DMD: variants seen among roughly 807,000 people sequenced by gnomAD.
DMD encodes dystrophin.
Under a neutral mutation model 330.1 loss-of-function variants are expected in DMD, and 63 were observed. That is an observed-to-expected ratio of 0.19 (90% CI 0.16 to 0.24). DMD has a LOEUF of 0.24. DMD is among the 10% of genes least tolerant of loss of function. DMD has a pLI of 1.00. For missense variants in DMD, 3,344 were observed against 2,684.1 expected (o/e 1.25, Z -5.43); for synonymous variants, 1,223 against 959.8 (o/e 1.27, Z -5.07).
chrX:32,948,783 A>G lies in DMD; in HGVS notation c.93+71356T>C, dbSNP rs188594850. Among the ~76,000 whole-genome samples the G allele has an allele frequency of 1.7e-3, 196 of 112,044 alleles. 1 individual carries two copies. The highest frequency in any genetic ancestry group is 5.5e-3 in the African/African-American group (170 of 30,896). ...TTATCTCTTACTTTGCTATTTTTCC[A>G]AAAATGTATTTGAAACACTGTTAAG... On this transcript the variant is annotated intron_variant, in intron 2 of 78. Coordinates refer to ENST00000357033, the MANE Select transcript of DMD (RefSeq NM_004006.3).
At chrX:32,633,930 A>T (rs188573191) in intron 11 of DMD, among the ~76,000 whole-genome samples, 147 of 111,731 alleles carry the variant, frequency 1.3e-3, no homozygotes, top group Non-Finnish European at 2.4e-3. Context: ...AGCTCCCACT[A>T]GGCCCTACCT....
At chrX:32,965,178 G>A (rs1263379480) in intron 2 of DMD, among the ~76,000 whole-genome samples, 1 of 111,507 alleles carries the variant, frequency 9.0e-6, no homozygotes, top group Non-Finnish European at 1.9e-5. Context: ...AATATAAAAT[G>A]TATTTGATGA....
chrX:32,569,311 C>T (rs891326734), intron 15 of DMD, among the ~76,000 whole-genome samples: 1 of 112,045 alleles, frequency 8.9e-6, no homozygotes, highest in African/African-American at 3.2e-5. Flanking sequence ...ACAATTTCTC[C>T]TATATTGGCA....
chrX:32,144,830 C>T (rs1221419525), intron 44 of DMD, among the ~76,000 whole-genome samples: 3 of 110,938 alleles, frequency 2.7e-5, no homozygotes, highest in Non-Finnish European at 5.7e-5. Flanking sequence ...GTCAGGAGTT[C>T]GAGACCAGCC....
Position 32,252,877 on chromosome X carries a change from A to AATATATAT in DMD, c.6290+34651_6290+34652insATATATAT, listed in dbSNP as rs1569553765. ...ATATATATAAATATATAAATATATA[A>AATATATAT]AAATATATATAAATATATATAAATA... On this transcript the variant is annotated intron_variant, in intron 43 of 78. Transcript: ENST00000357033. Among the ~76,000 whole-genome samples, 126 of 58,806 alleles carry AATATATAT rather than the reference A, an allele frequency of 2.1e-3. 7 individuals carry two copies. The highest frequency in any genetic ancestry group is 8.9e-3 in the African/African-American group (120 of 13,428). The allele number at this position is 58,806 out of a possible 115,157, so 51.1% of individuals were successfully genotyped here.
chrX:31,704,875 C>A (rs1278289164), intron 52 of DMD, among the ~76,000 whole-genome samples: 1 of 111,704 alleles, frequency 9.0e-6, no homozygotes, highest in African/African-American at 3.3e-5. Flanking sequence ...TATACAAAAT[C>A]AAAGCTAAAA....
chrX:33,269,515 T>C (rs2053115099), intron 1 of DMD, among the ~76,000 whole-genome samples: 1 of 110,650 alleles, frequency 9.0e-6, no homozygotes, highest in East Asian at 2.8e-4. Context: ...CAATATACCG[T>C]TTTAACAAAT....
chrX:32,764,865 T>A (rs2072770368), intron 7 of DMD, among the ~76,000 whole-genome samples: 1 of 111,122 alleles, frequency 9.0e-6, no homozygotes, highest in Non-Finnish European at 1.9e-5. Flanking sequence ...CCAACATATT[T>A]GTTTCCACAG....
chrX:32,283,955 T>C (rs934789983), intron 43 of DMD, among the ~76,000 whole-genome samples: 3 of 111,396 alleles, frequency 2.7e-5, no homozygotes, highest in Non-Finnish European at 5.7e-5. Context: ...ATAATTTAGA[T>C]ACTTTTTTTT....
chrX:32,908,480 G>T (rs1009511350), intron 2 of DMD, among the ~76,000 whole-genome samples: 1 of 112,067 alleles, frequency 8.9e-6, no homozygotes, highest in African/African-American at 3.2e-5. Context: ...AAACGGAAGT[G>T]CTAAAAGTCT....
rs1431731661 is a variant in DMD, at chrX:31,749,509, T to G, written c.7543-19761A>C. On this transcript the variant is annotated intron_variant, in intron 51 of 78. Transcript: ENST00000357033. ...TATGGCTGCATAGTATTCCATGGTG[T>G]ATATGTGCCACATTTTCTTAATCCA... Among the ~76,000 whole-genome samples, 124 of 107,499 alleles carry G rather than the reference T, an allele frequency of 1.2e-3. 1 individual carries two copies. The highest frequency in any genetic ancestry group is 9.8e-3 in the East Asian group (33 of 3,357). The allele number at this position is 107,499 out of a possible 115,157, so 93.3% of individuals were successfully genotyped here.
At chrX:31,949,633 C>A (rs1032259251) in intron 45 of DMD, among the ~76,000 whole-genome samples, 17 of 111,128 alleles carry the variant, frequency 1.5e-4, no homozygotes, top group African/African-American at 4.9e-4. Flanking sequence ...GGATTCCTAT[C>A]TTTCTCCTGG....
chrX:32,055,262 C>A, intron 44 of DMD, among the ~76,000 whole-genome samples: 2 of 111,613 alleles, frequency 1.8e-5, no homozygotes, highest in Non-Finnish European at 3.8e-5. Context: ...GACTAGGGTT[C>A]CATATTCTGG....
intron 2 of DMD, among the ~76,000 whole-genome samples, chrX:32,869,293 G>C: frequency 9.0e-6 from 1 of 111,194 alleles, no homozygotes; most frequent in Non-Finnish European, 1.9e-5. Context: ...ATGAAGATGA[G>C]AATCAAAAAA....
At chrX:32,006,493 A>G (rs2095662380) in intron 44 of DMD, among the ~76,000 whole-genome samples, 1 of 111,951 alleles carries the variant, frequency 8.9e-6, no homozygotes, top group Non-Finnish European at 1.9e-5. Context: ...TAAATGTTTT[A>G]TAGGGCCTTT....
At chrX:31,196,707 G>A (rs1399289176) in intron 67 of DMD, among the ~76,000 whole-genome samples, 3 of 106,619 alleles carry the variant, frequency 2.8e-5, no homozygotes, top group East Asian at 5.9e-4. Context: ...TGTAGTCCCA[G>A]CTACTTGGGA....
rs1193302041 is a variant in DMD at position 31,522,325 on chromosome X, T to TTCTCTCTCTCTCTC, written c.8218-14886_8218-14873dup. The stretch of plus-strand genomic sequence containing the variant: ...AGAGACAGAGTGGTAAGATCAAAAT[T>TTCTCTCTCTCTCTC]TCTCTCTCTCTCTCTCTCTCTCTCT... On this transcript the variant is annotated intron_variant, in intron 55 of 78. Coordinates refer to ENST00000357033, the MANE Select transcript of DMD (RefSeq NM_004006.3). 1.1e-3 allele frequency among the ~76,000 whole-genome samples: 56 copies of TTCTCTCTCTCTCTC among 51,325 alleles called. 1 individual carries two copies. The highest frequency in any genetic ancestry group is 1.5e-3 in the East Asian group (2 of 1,299). 44.6% of individuals were successfully genotyped at this position (51,325 alleles called of 115,157 possible). A position where few individuals can be genotyped will look rare whatever the true frequency, so the allele number is the denominator to read the frequency against.
intron 55 of DMD, among the ~76,000 whole-genome samples, chrX:31,573,857 A>G (rs889626767): frequency 3.6e-5 from 4 of 111,267 alleles, no homozygotes; most frequent in African/African-American, 1.3e-4. Flanking sequence ...AGTATTATTA[A>G]TAATGATAAT....
intron 1 of DMD, among the ~76,000 whole-genome samples, chrX:33,144,765 C>A (rs2047948420): frequency 9.0e-6 from 1 of 111,375 alleles, no homozygotes; most frequent in Non-Finnish European, 1.9e-5. Flanking sequence ...GCCATAGATG[C>A]ACACGCTCGC....
Sources: gnomAD v4.1 joint callset for allele counts (sites outside exome capture counted in the v4.1 genomes callset) on GRCh38, gnomAD v4.1.1 for gene constraint, MANE v1.5 for transcripts, NCBI Gene and HGNC (gene_info 2026-07-23, HGNC 2026-07-21) for gene names.